Variants in NRSN1 observed in about 807,000 individuals in gnomAD.
The protein encoded by NRSN1 is neurensin-1.
NRSN1 carries 14 observed loss-of-function variants against 17.3 expected under a neutral mutation model. The observed-to-expected ratio is 0.81, with a 90% confidence interval of 0.54 to 1.27. The LOEUF (loss-of-function observed/expected upper bound fraction) is 1.27, where lower values mean the gene tolerates loss of function less well. Ranked by LOEUF, NRSN1 falls within the 50% of genes most tolerant of loss-of-function variation. NRSN1 has a pLI of 0.00. For missense variants in NRSN1, 209 were observed against 235.9 expected (o/e 0.89, Z 0.75); for synonymous variants, 79 against 94.2 (o/e 0.84, Z 0.93).
At chr6:24,135,679 C>A (rs531959933) in intron 3 of NRSN1, among the ~76,000 whole-genome samples, 1 of 152,142 alleles carries the variant, frequency 6.6e-6, no homozygotes, top group Non-Finnish European at 1.5e-5. Context: ...TATTAGACAT[C>A]GGAGTAGTGA....
intron 3 of NRSN1, chr6:24,141,250 A>G: frequency 7.9e-7 from 1 of 1,263,144 alleles, no homozygotes; most frequent in Non-Finnish European, 1.0e-6. Context: ...GACCAATTCG[A>G]CTTTGAACTG....
intron 3 of NRSN1, among the ~76,000 whole-genome samples, chr6:24,136,491 T>C (rs943935513): frequency 2.6e-5 from 4 of 152,152 alleles, no homozygotes; most frequent in African/African-American, 9.7e-5. Flanking sequence ...ACAGCCAAGC[T>C]TGGCACATCT....
intron 3 of NRSN1, among the ~76,000 whole-genome samples, chr6:24,144,506 G>A (rs1422626279): frequency 1.3e-5 from 2 of 152,088 alleles, no homozygotes; most frequent in Admixed American, 6.5e-5. Flanking sequence ...GGGTGATTTT[G>A]GGGAGGGTCT....
chr6:24,131,181 T>C (rs958359173), intron 2 of NRSN1, among the ~76,000 whole-genome samples: 1 of 152,220 alleles, frequency 6.6e-6, no homozygotes, highest in Non-Finnish European at 1.5e-5. Context: ...TTTATGACAC[T>C]TTCTATCTCT....
At position 24,146,332 on chromosome 6, in the gene NRSN1, T is replaced by A. The variant is rs1406078747; in HGVS notation, c.*386T>A. ...TTCTAATATTGGTTTATCTAATGTT[T>A]TCTGCGTGGTGCTGTCTTCCATTCC... On this transcript the variant is annotated 3_prime_UTR_variant, in exon 4 of 4. Coordinates refer to ENST00000378491, the MANE Select transcript of NRSN1 (RefSeq NM_080723.5). 1 of 485,016 alleles carries A rather than the reference T, an allele frequency of 2.1e-6. No individual in the cohort carries two copies. The highest frequency in any genetic ancestry group is 4.2e-6 in the Non-Finnish European group (1 of 236,542). The allele number at this position is 485,016 out of a possible 1,614,324, so 30.0% of individuals were successfully genotyped here.
chr6:24,131,800 G>C lies in NRSN1; in HGVS notation c.-9-2519G>C, dbSNP rs371453893. ...AGAAGGTACTGAAGAGATCGTCCTA[G>C]TGCTTAAAATATTAAAACTAGGTTA... On this transcript the variant is annotated intron_variant, in intron 2 of 3. Coordinates refer to ENST00000378491, the MANE Select transcript of NRSN1 (RefSeq NM_080723.5). Among the ~76,000 whole-genome samples, 5 of 152,278 alleles carry C rather than the reference G, an allele frequency of 3.3e-5. No homozygotes were observed. The South Asian group carries it at 8.3e-4, about 25-fold the overall frequency.
At chr6:24,131,543 T>C (rs1760029247) in intron 2 of NRSN1, among the ~76,000 whole-genome samples, 1 of 152,160 alleles carries the variant, frequency 6.6e-6, no homozygotes, top group Non-Finnish European at 1.5e-5. Flanking sequence ...CTGCTTCTTG[T>C]GTTAATTGTC....
chr6:24,129,568 C>T (rs1759997777), intron 2 of NRSN1: 1 of 152,142 alleles, frequency 6.6e-6, no homozygotes, highest in South Asian at 2.1e-4. Flanking sequence ...GAGAAACAAA[C>T]CTAGACAAGG....
chr6:24,132,213 T>C (rs916673701), intron 2 of NRSN1, among the ~76,000 whole-genome samples: 1 of 152,248 alleles, frequency 6.6e-6, no homozygotes, highest in Non-Finnish European at 1.5e-5. Flanking sequence ...TATTTAAAGA[T>C]GTGCTAATGG....
intron 3 of NRSN1, among the ~76,000 whole-genome samples, chr6:24,142,169 A>T: frequency 8.2e-6 from 1 of 122,354 alleles, no homozygotes; most frequent in African/African-American, 2.9e-5. Flanking sequence ...TTCCCGTAGC[A>T]CTTATGTCTT....
chr6:24,140,218 G>C (rs1197289066), intron 3 of NRSN1, among the ~76,000 whole-genome samples: 1 of 152,212 alleles, frequency 6.6e-6, no homozygotes, highest in East Asian at 1.9e-4. Context: ...AAGCGTGGCT[G>C]TCAAGGGTAG....
At chr6:24,127,622 G>A (rs1561864547) in intron 1 of NRSN1, among the ~76,000 whole-genome samples, 1 of 152,160 alleles carries the variant, frequency 6.6e-6, no homozygotes, top group African/African-American at 2.4e-5. Context: ...GTAAAACTCA[G>A]CCTAATAAGT....
chr6:24,146,399 A>G lies in NRSN1; in HGVS notation c.*453A>G, dbSNP rs1279044272. ...AGATTTTGTCATATGTGTTCATAGAAACATGGAATTCTCTGATTTTGAGCC... is the reference window on the plus strand; with the variant it reads ...AGATTTTGTCATATGTGTTCATAGAGACATGGAATTCTCTGATTTTGAGCC... On this transcript the variant is annotated 3_prime_UTR_variant, in exon 4 of 4. Coordinates refer to ENST00000378491, the MANE Select transcript of NRSN1 (RefSeq NM_080723.5). 4 of 392,112 alleles carry G rather than the reference A, an allele frequency of 1.0e-5. No homozygotes were observed. The highest frequency in any genetic ancestry group is 2.1e-5 in the African/African-American group (1 of 47,556). The allele number at this position is 392,112 out of a possible 1,614,324, so 24.3% of individuals were successfully genotyped here. A position where few individuals can be genotyped will look rare whatever the true frequency, so the allele number is the denominator to read the frequency against.
intron 2 of NRSN1, among the ~76,000 whole-genome samples, chr6:24,130,369 G>A (rs1284088080): frequency 6.6e-6 from 1 of 152,166 alleles, no homozygotes; most frequent in Non-Finnish European, 1.5e-5. Context: ...GATACCAGAA[G>A]TGTCCATCAA....
chr6:24,139,728 G>A (rs954534351), intron 3 of NRSN1, among the ~76,000 whole-genome samples: 3 of 152,206 alleles, frequency 2.0e-5, no homozygotes, highest in Non-Finnish European at 4.4e-5. Flanking sequence ...AAACGCTAAA[G>A]AGAACATAGT....
Position 24,145,410 on chromosome 6 carries a change from A to C in NRSN1, c.190-138A>C, listed in dbSNP as rs1312517350. 7.4e-5 allele frequency: 44 copies of C among 596,024 alleles called. No individual in the cohort carries two copies. The East Asian group carries it at 1.2e-3, about 17-fold the overall frequency. The allele number at this position is 596,024 out of a possible 1,614,324, so 36.9% of individuals were successfully genotyped here. A position where few individuals can be genotyped will look rare whatever the true frequency, so the allele number is the denominator to read the frequency against. On this transcript the variant is annotated intron_variant, in intron 3 of 3. Coordinates refer to ENST00000378491, the MANE Select transcript of NRSN1 (RefSeq NM_080723.5). The surrounding 1 kb of genome is among the most constrained non-coding windows in gnomAD (Gnocchi z 4.4). ...ACCTTTTTCAACAGAAAATTAAGTAAGTGTTTCCTGCAAATTTGGGGTAAC... is the reference window on the plus strand; with the variant it reads ...ACCTTTTTCAACAGAAAATTAAGTACGTGTTTCCTGCAAATTTGGGGTAAC...
intron 2 of NRSN1, chr6:24,128,609 C>T (rs1489147934): frequency 1.3e-5 from 2 of 152,192 alleles, no homozygotes; most frequent in Non-Finnish European, 2.9e-5. Context: ...TTCATGCCTT[C>T]CTGTATCCCC....
rs368728630 is a variant in NRSN1, at chr6:24,134,498, G to C, written c.171G>C (p.Trp57Cys). The C allele has an allele frequency of 1.9e-5, 30 of 1,613,944 alleles. No individual in the cohort carries two copies. Among genetic ancestry groups the C allele is most frequent in the African/African-American group, 1.7e-4 (13 of 75,044 alleles). Residue 57 changes from tryptophan (W) to cysteine (C), a missense_variant, in exon 3 of 4, where the codon TGG (tryptophan) becomes TGC (cysteine). By Grantham distance (215) the Trp-to-Cys change is radical (BLOSUM62 -2). Coordinates refer to ENST00000378491, the MANE Select transcript of NRSN1 (RefSeq NM_080723.5). ...DFQIQRSPNR[W>C]SSVFWKVGLI... ...AGATCCAAAGATCACCTAACAGGTG[G>C]AGCTCAGTATTCTGGAAGGTAAGGA...
At chr6:24,140,599 C>T (rs369656902) in intron 3 of NRSN1, among the ~76,000 whole-genome samples, 1 of 152,208 alleles carries the variant, frequency 6.6e-6, no homozygotes, top group African/African-American at 2.4e-5. Flanking sequence ...TGATGCGCTT[C>T]CCCTAAATAA....
Sources: allele counts gnomAD v4.1 joint callset (sites outside exome capture counted in the v4.1 genomes callset), GRCh38; gene constraint gnomAD v4.1.1; non-coding constraint Gnocchi (gnomAD v3.1); transcripts MANE v1.5; gene names NCBI Gene and HGNC (gene_info 2026-07-23, HGNC 2026-07-21).